CACNA2D3: variants seen among roughly 807,000 people sequenced by gnomAD.
CACNA2D3 encodes voltage-dependent calcium channel subunit alpha-2/delta-3.
In CACNA2D3, 60 loss-of-function variants were observed where a neutral mutation model predicts 160.6. That is an observed-to-expected ratio of 0.37 (90% CI 0.30 to 0.46). CACNA2D3 has a LOEUF of 0.46. Ranked by LOEUF, CACNA2D3 falls within the 20% of genes least tolerant of loss-of-function variation. CACNA2D3 has a pLI of 1.00. For missense variants in CACNA2D3, 1,205 were observed against 1,365.0 expected (o/e 0.88, Z 1.85); for synonymous variants, 558 against 492.9 (o/e 1.13, Z -1.75).
At chr3:54,660,152 T>TG (rs1297151647) in intron 11 of CACNA2D3, among the ~76,000 whole-genome samples, 1 of 151,620 alleles carries the variant, frequency 6.6e-6, no homozygotes, top group Non-Finnish European at 1.5e-5. Flanking sequence ...TCTTTTTTTT[T>TG]TTTTCTTTTT....
At chr3:54,231,646 AGTTT>A (rs1206126160) in intron 2 of CACNA2D3, among the ~76,000 whole-genome samples, 2 of 152,242 alleles carry the variant, frequency 1.3e-5, no homozygotes, top group African/African-American at 4.8e-5. Context: ...ATTTTTGTCC[AGTTT>A]GTTCACCCAT....
intron 2 of CACNA2D3, among the ~76,000 whole-genome samples, chr3:54,192,060 A>C (rs1700994335): frequency 1.3e-5 from 2 of 150,892 alleles, no homozygotes; most frequent in Admixed American, 6.6e-5. Flanking sequence ...AGTTTTCTTT[A>C]GAATGTCTTG....
intron 27 of CACNA2D3, among the ~76,000 whole-genome samples, chr3:54,945,258 G>A (rs1701583676): frequency 6.6e-6 from 1 of 152,194 alleles, no homozygotes; most frequent in African/African-American, 2.4e-5. Flanking sequence ...AATACATGGT[G>A]TTGATACCTG....
chr3:54,259,423 A>G (rs1702364208), intron 2 of CACNA2D3, among the ~76,000 whole-genome samples: 1 of 152,238 alleles, frequency 6.6e-6, no homozygotes, highest in African/African-American at 2.4e-5. Flanking sequence ...CTAAACAAGT[A>G]TACAGATTTA....
intron 2 of CACNA2D3, among the ~76,000 whole-genome samples, chr3:54,143,853 A>G (rs1368726901): frequency 6.6e-6 from 1 of 152,074 alleles, no homozygotes; most frequent in Non-Finnish European, 1.5e-5. Flanking sequence ...GCTTACATGT[A>G]TGTATATTTG....
At chr3:54,257,915 A>G (rs756208171) in intron 2 of CACNA2D3, among the ~76,000 whole-genome samples, 5 of 152,238 alleles carry the variant, frequency 3.3e-5, no homozygotes, top group Non-Finnish European at 5.9e-5. Context: ...GGATAGTCCA[A>G]TAGTCCCTGG....
At position 54,732,666 on chromosome 3, in the gene CACNA2D3, C is replaced by A. The variant is rs1000678252; in HGVS notation, c.1168-19933C>A. On this transcript the variant is annotated intron_variant, in intron 11 of 37. Coordinates refer to ENST00000474759, the MANE Select transcript of CACNA2D3 (RefSeq NM_018398.3). ...TTCTTTATTGATTTCCCAGTACTTT[C>A]TCATTCTCTCAGTCTGAAGTGATTA... Among the ~76,000 whole-genome samples, 7 of 152,300 alleles carry A rather than the reference C, an allele frequency of 4.6e-5. No individual in the cohort carries two copies. In the East Asian group the frequency reaches 1.4e-3, roughly 29 times the overall value.
At chr3:54,354,917 T>C (rs1698623210) in intron 3 of CACNA2D3, among the ~76,000 whole-genome samples, 1 of 152,218 alleles carries the variant, frequency 6.6e-6, no homozygotes, top group Non-Finnish European at 1.5e-5. Flanking sequence ...GGAAAATGAC[T>C]GCGTTGGATG....
chr3:54,771,954 GT>G lies in CACNA2D3; in HGVS notation c.1380+7607del, dbSNP rs776824033. The stretch of plus-strand genomic sequence containing the variant: ...ATCTCCTGCAAACTGTCAAGAGAAG[GT>G]TTTAGGATAGCTATGTCCATTCTTC... On this transcript the variant is annotated intron_variant, in intron 13 of 37. Coordinates refer to ENST00000474759, the MANE Select transcript of CACNA2D3 (RefSeq NM_018398.3). Among the ~76,000 whole-genome samples the G allele has an allele frequency of 2.2e-4, 34 of 151,950 alleles. 1 individual carries two copies. The highest frequency in any genetic ancestry group is 1.2e-4 in the Non-Finnish European group (8 of 68,002).
chr3:54,437,218 A>G (rs1436507888), intron 4 of CACNA2D3, among the ~76,000 whole-genome samples: 1 of 152,134 alleles, frequency 6.6e-6, no homozygotes, highest in Non-Finnish European at 1.5e-5. Context: ...TTTATTCAAT[A>G]GTTTTTTCAA....
intron 4 of CACNA2D3, among the ~76,000 whole-genome samples, chr3:54,460,986 GA>G (rs1038440639): frequency 7.3e-5 from 11 of 150,950 alleles, no homozygotes; most frequent in Non-Finnish European, 1.0e-4. Flanking sequence ...TTAGCATGAA[GA>G]GTTGTTGAAT....
In CACNA2D3 at chr3:54,782,967, T is replaced by C. The variant is rs114984268; in HGVS notation, c.1380+18616T>C. Among the ~76,000 whole-genome samples, 565 of 152,214 alleles carry C rather than the reference T, an allele frequency of 3.7e-3. 4 individuals are homozygous for C. The highest frequency in any genetic ancestry group is 0.013 in the African/African-American group (540 of 41,522). Reference sequence around the variant, plus strand: ...ACACCAGACCCTGTGTTACGAGCTTTTGCATGTGTCAGATAGGCCCTATTA... The same window carrying C: ...ACACCAGACCCTGTGTTACGAGCTTCTGCATGTGTCAGATAGGCCCTATTA... On this transcript the variant is annotated intron_variant, in intron 13 of 37. Transcript: ENST00000474759.
intron 5 of CACNA2D3, among the ~76,000 whole-genome samples, chr3:54,530,767 A>G (rs187640483): frequency 1.3e-5 from 2 of 152,292 alleles, no homozygotes; most frequent in Non-Finnish European, 2.9e-5. Flanking sequence ...GCCCATTCGT[A>G]TGCTCAACCA....
intron 11 of CACNA2D3, among the ~76,000 whole-genome samples, chr3:54,680,675 C>G (rs909273556): frequency 6.6e-6 from 1 of 152,160 alleles, no homozygotes; most frequent in Admixed American, 6.5e-5. Context: ...AAGAATTGAT[C>G]GAGGAGAGGC....
At chr3:54,853,964 C>G (rs1699114364) in intron 17 of CACNA2D3, among the ~76,000 whole-genome samples, 2 of 152,156 alleles carry the variant, frequency 1.3e-5, no homozygotes, top group Non-Finnish European at 2.9e-5. Context: ...GACCCCCGCT[C>G]TCAGGCTGCT....
At chr3:54,836,235 T>C (rs1698679934) in intron 14 of CACNA2D3, among the ~76,000 whole-genome samples, 1 of 147,396 alleles carries the variant, frequency 6.8e-6, no homozygotes, top group South Asian at 2.2e-4. Flanking sequence ...TCTTTTTTTT[T>C]TTTTTTGTTT....
At chr3:54,875,009 T>C (rs1444615761) in intron 18 of CACNA2D3, 1 of 152,160 alleles carries the variant, frequency 6.6e-6, no homozygotes, top group Non-Finnish European at 1.5e-5. Context: ...AAAGCCTTTT[T>C]TCCCCTACTA....
intron 9 of CACNA2D3, among the ~76,000 whole-genome samples, chr3:54,596,852 C>G (rs990037331): frequency 6.6e-6 from 1 of 152,112 alleles, no homozygotes; most frequent in African/African-American, 2.4e-5. Flanking sequence ...ATTTTCTGAT[C>G]TCAGATAAAA....
intron 11 of CACNA2D3, among the ~76,000 whole-genome samples, chr3:54,741,906 C>T (rs1010215446): frequency 1.3e-5 from 2 of 151,224 alleles, no homozygotes; most frequent in Non-Finnish European, 2.9e-5. Flanking sequence ...TTTTTTGAGA[C>T]AAGGTCTCTG....
Sources: allele counts gnomAD v4.1 joint callset (sites outside exome capture counted in the v4.1 genomes callset), GRCh38; gene constraint gnomAD v4.1.1; transcripts MANE v1.5; gene names NCBI Gene and HGNC (gene_info 2026-07-23, HGNC 2026-07-21).